Variants in APCDD1L observed in about 807,000 individuals in gnomAD.
APCDD1L encodes APC down-regulated 1 like.
Under a neutral mutation model 24.2 loss-of-function variants are expected in APCDD1L, and 21 were observed. That is an observed-to-expected ratio of 0.87 (90% CI 0.61 to 1.25). The LOEUF (loss-of-function observed/expected upper bound fraction) is 1.25. APCDD1L is among the 50% of genes most tolerant of loss of function. APCDD1L has a pLI of 0.00. For missense variants in APCDD1L, 704 were observed against 711.7 expected (o/e 0.99, Z 0.12); for synonymous variants, 321 against 323.6 (o/e 0.99, Z 0.09).
chr20:58,477,662 G>C (rs1192268798), intron 1 of APCDD1L, among the ~76,000 whole-genome samples: 1 of 152,196 alleles, frequency 6.6e-6, no homozygotes, highest in Non-Finnish European at 1.5e-5. Context: ...GAAATATCTT[G>C]TACTTCATTA....
chr20:58,474,815 C>T (rs987916601), intron 1 of APCDD1L, among the ~76,000 whole-genome samples: 83 of 152,206 alleles, frequency 5.5e-4, no homozygotes, highest in Non-Finnish European at 9.7e-4. Flanking sequence ...AACACCAACA[C>T]GATCTCATTC....
chr20:58,470,612 G>A lies in APCDD1L; in HGVS notation c.185C>T (p.Thr62Ile), dbSNP rs188971133. The A allele has an allele frequency of 5.0e-6, 8 of 1,587,504 alleles. No individual in the cohort carries two copies. The highest frequency in any genetic ancestry group is 3.3e-4 in the Middle Eastern group (2 of 6,006). ...TCAGGATGACCTGAAGTCTTACCCT[G>A]TGGAGATCCAAGGTCCATTAAGGCG... ...PPRLNGPWIS[T>I]GCEVRPGPEF... The change falls in exon 2 of 4, where the codon ACA (threonine) becomes ATA (isoleucine). Residue 62 changes from threonine to isoleucine, a missense_variant. Thr to Ile is a moderately conservative substitution (Grantham distance 89, BLOSUM62 -1). Coordinates refer to ENST00000371149, the MANE Select transcript of APCDD1L (RefSeq NM_153360.3).
intron 1 of APCDD1L, among the ~76,000 whole-genome samples, chr20:58,511,942 T>C (rs967403310): frequency 1.3e-5 from 2 of 151,858 alleles, no homozygotes; most frequent in Non-Finnish European, 2.9e-5. Context: ...GCAGCTATGG[T>C]TTCTCATTTT....
rs1470069297 is a variant in APCDD1L at position 58,494,636 on chromosome 20, G to T, written c.49+20023C>A. On this transcript the variant is annotated intron_variant, in intron 1 of 3. Transcript: ENST00000371149. This position sits in a 1 kb window ranked among gnomAD's most constrained non-coding sequence, Gnocchi z 4.8. ...TTATAGGTGTGAGCCACTGTGCCTG[G>T]CTGTCAACTGTGTTTCAAAGTATAC... Among the ~76,000 whole-genome samples, 1 of 152,138 alleles carries T rather than the reference G, an allele frequency of 6.6e-6. No homozygotes were observed.
Position 58,461,044 on chromosome 20 carries a change from G to A in APCDD1L, c.1252C>T (p.Gln418Ter), listed in dbSNP as rs777145739. Reference sequence around the variant, plus strand: ...AGCAGGCTTTGCCCGAGGGGGTCTTGTTCCATCTTGAAAAGCTCGTACTCC... The same window carrying A: ...AGCAGGCTTTGCCCGAGGGGGTCTTATTCCATCTTGAAAAGCTCGTACTCC... ...HVEYELFKMEQDPLGQSLLFI... is the reference protein window; with the variant it reads ...HVEYELFKME Residue 418 changes from glutamine to a stop codon, truncating the protein, a stop_gained, in exon 4 of 4, where the codon CAA becomes TAA. Coordinates refer to ENST00000371149, the MANE Select transcript of APCDD1L (RefSeq NM_153360.3). LOFTEE classifies it low-confidence loss of function (END_TRUNC). This position sits in a 1 kb window ranked among gnomAD's most constrained non-coding sequence, Gnocchi z 6.0. 1 of 1,614,120 alleles carries A rather than the reference G, an allele frequency of 6.2e-7. No individual in the cohort carries two copies. Among genetic ancestry groups the A allele is most frequent in the Non-Finnish European group, 8.5e-7 (1 of 1,180,016 alleles).
intron 1 of APCDD1L, among the ~76,000 whole-genome samples, chr20:58,493,702 C>A (rs1990266887): frequency 1.3e-5 from 2 of 151,782 alleles, no homozygotes; most frequent in Non-Finnish European, 2.9e-5. Flanking sequence ...GAAAAAAAAA[C>A]AAGGAAAAGA....
intron 1 of APCDD1L, among the ~76,000 whole-genome samples, chr20:58,479,277 T>TC (rs1379329881): frequency 2.0e-5 from 3 of 152,146 alleles, no homozygotes; most frequent in African/African-American, 4.8e-5. Context: ...TATGTGCTTT[T>TC]CCCCCCCATA....
rs6064660 is a variant in APCDD1L at position 58,491,870 on chromosome 20, A to G, written c.50-21123T>C. Among the ~76,000 whole-genome samples the G allele has an allele frequency of 3.8e-3, 573 of 152,378 alleles. 1 individual carries two copies. The highest frequency in any genetic ancestry group is 5.9e-3 in the Admixed American group (91 of 15,310). ...AGCATTGTATATTCTGTGAAAAGAT[A>G]AACAAATTGACCAAAACAATAGAAC... On this transcript the variant is annotated intron_variant, in intron 1 of 3. Coordinates refer to ENST00000371149, the MANE Select transcript of APCDD1L (RefSeq NM_153360.3).
intron 1 of APCDD1L, among the ~76,000 whole-genome samples, chr20:58,472,404 C>T (rs906760986): frequency 2.4e-4 from 37 of 152,242 alleles, no homozygotes; most frequent in African/African-American, 8.9e-4. Flanking sequence ...GCACATGCCA[C>T]CCGGATGTGG....
At position 58,460,826 on chromosome 20, in the gene APCDD1L, G is replaced by A; in HGVS notation, c.1470C>T (p.Pro490=). The part of the protein sequence containing the change: ...GLHIAPFPLL[P]LVLGLAFLHW... ...GGAGGAAGGCCAGCCCTAGAACTAG[G>A]GGCAGAAGTGGGAAGGGGGCTATGT... Residue 490 remains proline, a synonymous_variant, in exon 4 of 4, where the codon CCC becomes CCT. Coordinates refer to ENST00000371149, the MANE Select transcript of APCDD1L (RefSeq NM_153360.3). This position sits in a 1 kb window ranked among gnomAD's most constrained non-coding sequence, Gnocchi z 4.2. The A allele has an allele frequency of 6.5e-7, 1 of 1,537,152 alleles. No homozygotes were observed. Among genetic ancestry groups the A allele is most frequent in the Non-Finnish European group, 8.8e-7 (1 of 1,141,302 alleles).
intron 1 of APCDD1L, among the ~76,000 whole-genome samples, chr20:58,503,405 T>G (rs1264118565): frequency 6.6e-6 from 1 of 152,180 alleles, no homozygotes; most frequent in East Asian, 1.9e-4. Flanking sequence ...GACTTCAGCT[T>G]CAAACTATCT....
intron 1 of APCDD1L, among the ~76,000 whole-genome samples, chr20:58,476,387 C>T (rs1335636714): frequency 6.6e-6 from 1 of 152,164 alleles, no homozygotes; most frequent in Non-Finnish European, 1.5e-5. Context: ...GACAGGGTTT[C>T]ACCATGTTAG....
intron 1 of APCDD1L, among the ~76,000 whole-genome samples, chr20:58,490,423 T>A (rs1253135002): frequency 6.6e-6 from 1 of 151,692 alleles, no homozygotes; most frequent in East Asian, 1.9e-4. Context: ...GGTAGGAGAG[T>A]GAGAAACAGG....
rs757189925 is a variant in APCDD1L, at chr20:58,460,819, G to A, written c.1477C>T (p.Leu493=). The change falls in exon 4 of 4, where the codon CTA becomes TTA. Residue 493 remains leucine (L), a synonymous_variant. Transcript: ENST00000371149. This position sits in a 1 kb window ranked among gnomAD's most constrained non-coding sequence, Gnocchi z 4.2. ...AGCCAGTGGAGGAAGGCCAGCCCTA[G>A]AACTAGGGGCAGAAGTGGGAAGGGG... The part of the protein sequence containing the change: ...IAPFPLLPLV[L]GLAFLHWL 3.3e-6 allele frequency: 5 copies of A among 1,532,580 alleles called. No homozygotes were observed. In the Admixed American group the frequency reaches 6.2e-5, roughly 19 times the overall value. 94.9% of individuals were successfully genotyped at this position (1,532,580 alleles called of 1,614,324 possible). A position where few individuals can be genotyped will look rare whatever the true frequency, so the allele number is the denominator to read the frequency against.
chr20:58,478,002 T>A (rs1989944491), intron 1 of APCDD1L, among the ~76,000 whole-genome samples: 1 of 152,250 alleles, frequency 6.6e-6, no homozygotes, highest in Non-Finnish European at 1.5e-5. Flanking sequence ...CAATTATTTA[T>A]ATTACTATGA....
At chr20:58,476,414 C>A (rs1264150801) in intron 1 of APCDD1L, among the ~76,000 whole-genome samples, 1 of 152,216 alleles carries the variant, frequency 6.6e-6, no homozygotes, top group South Asian at 2.1e-4. Context: ...TGATCTTGAT[C>A]TCCTGACCTC....
In APCDD1L at chr20:58,461,276, C is replaced by T. The variant is rs750518204; in HGVS notation, c.1020G>A (p.Thr340=). ...VYAAGRYTRG[T]PSTRVRGGTE... ...TGCCGCCGCGGACCCTGGTGGATGG[C>T]GTGCCCCTGGTGTAGCGGCCGGCGG... is the stretch of plus-strand genomic sequence containing the variant. Residue 340 remains threonine (T), a synonymous_variant, in exon 4 of 4, where the codon ACG becomes ACA. Coordinates refer to ENST00000371149, the MANE Select transcript of APCDD1L (RefSeq NM_153360.3). The surrounding 1 kb of genome is among the most constrained non-coding windows in gnomAD (Gnocchi z 6.0). 3.2e-5 allele frequency: 51 copies of T among 1,612,856 alleles called. No homozygotes were observed. The highest frequency in any genetic ancestry group is 3.8e-5 in the Non-Finnish European group (45 of 1,179,410).
chr20:58,470,895 T>G (rs989811016), intron 1 of APCDD1L, 148 bp from the exon 2 acceptor site: 3 of 1,170,008 alleles, frequency 2.6e-6, no homozygotes, highest in Middle Eastern at 3.0e-4. Context: ...GTGCCCCAGT[T>G]CTGGAGACAG....
rs1568731548 is a variant in APCDD1L at position 58,461,013 on chromosome 20, AT to A, written c.1282del (p.Ile428SerfsTer56). On this transcript the variant is annotated frameshift_variant, in exon 4 of 4. Transcript: ENST00000371149. LOFTEE classifies it low-confidence loss of function (END_TRUNC). The surrounding 1 kb of genome is among the most constrained non-coding windows in gnomAD (Gnocchi z 6.0). ...QDPLGQSLLF[I>X]GQRPTDGSSP... The stretch of plus-strand genomic sequence containing the variant: ...TGAGCCATCGGTGGGCCTTTGTCCG[AT>A]GAAGAGCAGGCTTTGCCCGAGGGGG... 1 of 1,614,040 alleles carries A rather than the reference AT, an allele frequency of 6.2e-7. No homozygotes were observed. The highest frequency in any genetic ancestry group is 1.1e-5 in the South Asian group (1 of 91,078).
Sources: allele counts gnomAD v4.1 joint callset (sites outside exome capture counted in the v4.1 genomes callset), GRCh38; gene constraint gnomAD v4.1.1; non-coding constraint Gnocchi (gnomAD v3.1); transcripts MANE v1.5; gene names NCBI Gene and HGNC (gene_info 2026-07-23, HGNC 2026-07-21).